Variants in TBCD observed in about 807,000 individuals in gnomAD.
TBCD encodes tubulin folding cofactor D.
In TBCD, 105 loss-of-function variants were observed where a neutral mutation model predicts 169.3. The observed-to-expected ratio is 0.62, with a 90% CI of 0.53 to 0.73. TBCD has a LOEUF of 0.73. TBCD is among the 30% of genes least tolerant of loss of function. The probability of loss-of-function intolerance (pLI) is 0.00; values close to 1 mark genes in which losing one functional copy is unlikely to be tolerated. For missense variants in TBCD, 1,444 were observed against 1,600.1 expected, an observed-to-expected ratio of 0.90 and a Z score of 1.66; for synonymous variants, 700 against 643.9, an observed-to-expected ratio of 1.09 and a Z score of -1.32.
At chr17:82,767,726 G>A (rs1329063756) in intron 4 of TBCD, among the ~76,000 whole-genome samples, 3 of 152,152 alleles carry the variant, frequency 2.0e-5, no homozygotes, top group Non-Finnish European at 4.4e-5. Context: ...GGAGGCCAAG[G>A]TGGGCGGATC....
At chr17:82,775,798 G>A (rs1008292107) in intron 6 of TBCD, among the ~76,000 whole-genome samples, 1 of 151,016 alleles carries the variant, frequency 6.6e-6, no homozygotes, top group Non-Finnish European at 1.5e-5. Context: ...GCTAGATGAC[G>A]AGTTAGTGGG....
At chr17:82,891,562 C>G (rs754577181) in intron 16 of TBCD, among the ~76,000 whole-genome samples, 1 of 152,188 alleles carries the variant, frequency 6.6e-6, no homozygotes, top group Non-Finnish European at 1.5e-5. Context: ...AGAAGAAGGT[C>G]GAGAACTTGG....
At chr17:82,758,308 C>T (rs1181184808) in intron 2 of TBCD, among the ~76,000 whole-genome samples, 1 of 137,074 alleles carries the variant, frequency 7.3e-6, no homozygotes, top group Non-Finnish European at 1.5e-5. Context: ...TGCCCGAACC[C>T]AGGAGGCAGA....
rs1568165182 is a variant in TBCD, at chr17:82,806,774, G to A, written c.1087+763G>A. Reference sequence around the variant, plus strand: ...CTCGACCGTGACCATCAGGGCGCCTGTGGCACCGTTGCCAGCCCCGAGCCA... The same window carrying A: ...CTCGACCGTGACCATCAGGGCGCCTATGGCACCGTTGCCAGCCCCGAGCCA... On this transcript the variant is annotated intron_variant, in intron 10 of 38. Transcript: ENST00000355528. This position sits in a 1 kb window ranked among gnomAD's most constrained non-coding sequence, Gnocchi z 5.1. Among the ~76,000 whole-genome samples the A allele has an allele frequency of 6.6e-6, 1 of 152,200 alleles. No homozygotes were observed. The highest frequency in any genetic ancestry group is 1.5e-5 in the Non-Finnish European group (1 of 68,032).
intron 7 of TBCD, among the ~76,000 whole-genome samples, chr17:82,790,445 C>A (rs2049630636): frequency 6.6e-6 from 1 of 152,188 alleles, no homozygotes; most frequent in African/African-American, 2.4e-5. Context: ...GCCTCGGAAG[C>A]AGGAGGGCTC....
chr17:82,844,912 G>C (rs1366855761), intron 13 of TBCD, among the ~76,000 whole-genome samples: 1 of 152,298 alleles, frequency 6.6e-6, no homozygotes, highest in African/African-American at 2.4e-5. Context: ...CACCTGGCCT[G>C]TGGAGTCCCC....
At chr17:82,842,872 C>T (rs934712005) in intron 13 of TBCD, among the ~76,000 whole-genome samples, 51 of 151,574 alleles carry the variant, frequency 3.4e-4, no homozygotes, top group African/African-American at 1.1e-3. Flanking sequence ...ACTCCACCTC[C>T]CATGTTCACG....
Position 82,800,994 on chromosome 17 carries a change from G to C in TBCD, c.948G>C (p.Trp316Cys). ...TCCTGAAGCCGAAGGTGGCAGCATG[G>C]AGGTAGGCACCATGAGGGCGGTGCC... ...LTFLKPKVAAWRYQRGCRSLA... is the reference protein window; with the variant it reads ...LTFLKPKVAACRYQRGCRSLA... The change falls in exon 9 of 39, where the codon TGG becomes TGC. Residue 316 changes from tryptophan to cysteine, a missense_variant and splice_region_variant. Transcript: ENST00000355528. The C allele has an allele frequency of 6.2e-7, 1 of 1,606,464 alleles. No homozygotes were observed. Among genetic ancestry groups the C allele is most frequent in the South Asian group, 1.1e-5 (1 of 90,678 alleles).
intron 7 of TBCD, among the ~76,000 whole-genome samples, chr17:82,784,610 C>T (rs1167551222): frequency 3.9e-5 from 6 of 152,036 alleles, no homozygotes; most frequent in Non-Finnish European, 8.8e-5. Flanking sequence ...CATTTTTTGC[C>T]TTGGGTCTCA....
At chr17:82,780,789 C>A (rs901193125) in intron 6 of TBCD, among the ~76,000 whole-genome samples, 5 of 151,622 alleles carry the variant, frequency 3.3e-5, no homozygotes, top group African/African-American at 1.2e-4. Flanking sequence ...GGATTACAGG[C>A]GCACAGCACC....
rs189351384 is a variant in TBCD at position 82,915,792 on chromosome 17, C to G, written c.2038+4003C>G. ...CTCATGCCGAAGACGGGAGGGAAACCAGAGGGACTGGTGAGCCTTGAGTCG... is the reference window on the plus strand; with the variant it reads ...CTCATGCCGAAGACGGGAGGGAAACGAGAGGGACTGGTGAGCCTTGAGTCG... On this transcript the variant is annotated intron_variant, in intron 23 of 38. Transcript: ENST00000355528. This position sits in a 1 kb window ranked among gnomAD's most constrained non-coding sequence, Gnocchi z 4.3. Among the ~76,000 whole-genome samples the G allele has an allele frequency of 2.1e-3, 317 of 152,256 alleles. No homozygotes were observed. The highest frequency in any genetic ancestry group is 3.1e-3 in the Non-Finnish European group (208 of 68,032).
At chr17:82,850,217 GC>G (rs2055626780) in intron 13 of TBCD, among the ~76,000 whole-genome samples, 2 of 138,852 alleles carry the variant, frequency 1.4e-5, no homozygotes, top group African/African-American at 5.8e-5. Flanking sequence ...TGTTGGCTGT[GC>G]TGCTGTTGGC....
At chr17:82,763,906 G>T in intron 2 of TBCD, 59 bp from the exon 3 acceptor site, 4 of 1,447,820 alleles carry the variant, frequency 2.8e-6, no homozygotes, top group Admixed American at 3.6e-5. Flanking sequence ...CACCTGGCCG[G>T]CCTCAATGTC....
chr17:82,920,720 C>T lies in TBCD; in HGVS notation c.2101+102C>T. The T allele has an allele frequency of 9.6e-7, 1 of 1,039,594 alleles. No homozygotes were observed. The highest frequency in any genetic ancestry group is 1.4e-6 in the Non-Finnish European group (1 of 713,162). The allele number at this position is 1,039,594 out of a possible 1,614,324, so 64.4% of individuals were successfully genotyped here. On this transcript the variant is annotated intron_variant, in intron 24 of 38. Transcript: ENST00000355528. This position sits in a 1 kb window ranked among gnomAD's most constrained non-coding sequence, Gnocchi z 4.1. The stretch of plus-strand genomic sequence containing the variant: ...GGATGGGGGCGATAAACGATTATAG[C>T]TTAAAGGTTCAAGATATTAATCGGA...
intron 23 of TBCD, among the ~76,000 whole-genome samples, chr17:82,918,122 C>T (rs974053155): frequency 3.3e-5 from 5 of 152,154 alleles, no homozygotes; most frequent in African/African-American, 4.8e-5. Flanking sequence ...GCGGTGACTC[C>T]GGGTATGACA....
rs1371944304 is a variant in TBCD, at chr17:82,791,591, G to A, written c.772-6166G>A. ...TCATAAGTCCCTGTCATGCAAAGAT[G>A]GGCTGTGCAGAATGAGCTCGGAATA... On this transcript the variant is annotated intron_variant, in intron 7 of 38. Coordinates refer to ENST00000355528, the MANE Select transcript of TBCD (RefSeq NM_005993.5). Among the ~76,000 whole-genome samples, 5 of 152,160 alleles carry A rather than the reference G, an allele frequency of 3.3e-5. No individual in the cohort carries two copies. In the South Asian group the frequency reaches 6.2e-4, roughly 19 times the overall value.
chr17:82,816,201 G>A (rs200132024), intron 13 of TBCD, among the ~76,000 whole-genome samples: 2 of 152,140 alleles, frequency 1.3e-5, no homozygotes, highest in Admixed American at 6.5e-5. Flanking sequence ...TCTCTGTGTC[G>A]TAGCCTGTGG....
chr17:82,862,873 T>A (rs1328048582), intron 13 of TBCD, among the ~76,000 whole-genome samples: 1 of 152,142 alleles, frequency 6.6e-6, no homozygotes, highest in Non-Finnish European at 1.5e-5. Context: ...CAGGTGTCTG[T>A]CCTCTCACGC....
intron 13 of TBCD, among the ~76,000 whole-genome samples, chr17:82,820,479 T>C (rs1326928483): frequency 1.3e-5 from 2 of 152,250 alleles, no homozygotes; most frequent in East Asian, 3.8e-4. Context: ...TTGGTGTTTT[T>C]CTGAGCTTGG....
Sources: gnomAD v4.1 joint callset for allele counts (sites outside exome capture counted in the v4.1 genomes callset) on GRCh38, gnomAD v4.1.1 for gene constraint, Gnocchi (gnomAD v3.1) non-coding constraint, MANE v1.5 for transcripts, NCBI Gene and HGNC (gene_info 2026-07-23, HGNC 2026-07-21) for gene names.